The following TIAM1 variants were observed in gnomAD, a reference collection of about 807,000 sequenced individuals.
The protein encoded by TIAM1 is rho guanine nucleotide exchange factor TIAM1.
Under a neutral mutation model 163.5 loss-of-function variants are expected in TIAM1, and 65 were observed. The observed-to-expected ratio is 0.40, with a 90% CI of 0.33 to 0.49. The LOEUF (loss-of-function observed/expected upper bound fraction) is 0.49. Among genes scored for constraint, TIAM1 ranks in the 20% least tolerant of loss-of-function variants. TIAM1 has a pLI of 0.77. For synonymous variants in TIAM1, 833 were observed against 810.1 expected (o/e 1.03, Z -0.48); for missense variants, 1,789 against 2,044.7 (o/e 0.87, Z 2.41).
chr21:31,320,965 C>T (rs1601950513), intron 2 of TIAM1, among the ~76,000 whole-genome samples: 1 of 151,778 alleles, frequency 6.6e-6, no homozygotes. Context: ...GCACTCCAGC[C>T]TGGGTGACAG....
chr21:31,412,917 T>G (rs1225842442), intron 2 of TIAM1, among the ~76,000 whole-genome samples: 1 of 151,810 alleles, frequency 6.6e-6, no homozygotes, highest in Non-Finnish European at 1.5e-5. Context: ...CAGGTGGTAA[T>G]GCTCACTCAC....
intron 1 of TIAM1, among the ~76,000 whole-genome samples, chr21:31,343,867 G>A (rs1262941813): frequency 6.6e-6 from 1 of 152,168 alleles, no homozygotes; most frequent in Non-Finnish European, 1.5e-5. Flanking sequence ...TTCAAAGCCC[G>A]AATCTCTTTA....
intron 9 of TIAM1, among the ~76,000 whole-genome samples, chr21:31,214,032 G>A (rs1361420175): frequency 6.6e-6 from 1 of 151,622 alleles, no homozygotes; most frequent in African/African-American, 2.4e-5. Flanking sequence ...AGTAAAAAGA[G>A]AAAGACAATA....
intron 2 of TIAM1, among the ~76,000 whole-genome samples, chr21:31,409,889 T>C (rs2077316180): frequency 6.6e-6 from 1 of 152,152 alleles, no homozygotes; most frequent in African/African-American, 2.4e-5. Context: ...GGCCTTTTTT[T>C]TTTTTATTTG....
upstream of TIAM1, among the ~76,000 whole-genome samples, chr21:31,349,220 C>T (rs563500009): frequency 2.0e-3 from 302 of 152,324 alleles, 2 homozygotes; most frequent in African/African-American, 6.4e-3. Context: ...TTTCATCTAA[C>T]AAGTCAAAGT....
chr21:31,165,315 C>T (rs573167850), intron 15 of TIAM1, among the ~76,000 whole-genome samples: 15 of 152,156 alleles, frequency 9.9e-5, no homozygotes, highest in Admixed American at 3.3e-4. Flanking sequence ...TTTGTCTCCC[C>T]CCATACAAAT....
chr21:31,195,108 A>C (rs1370642116), intron 13 of TIAM1, 116 bp downstream of exon 13: 1 of 729,202 alleles, frequency 1.4e-6, no homozygotes, highest in Admixed American at 2.5e-5. Context: ...AGCAGGAGCC[A>C]GATATACTAT....
chr21:31,194,954 C>G (rs577085393), intron 13 of TIAM1, among the ~76,000 whole-genome samples: 3 of 152,302 alleles, frequency 2.0e-5, no homozygotes, highest in Non-Finnish European at 4.4e-5. Context: ...GTAATTTTAT[C>G]TTTTGACATA....
At chr21:31,270,845 G>C (rs1281912254) in intron 3 of TIAM1, among the ~76,000 whole-genome samples, 1 of 152,162 alleles carries the variant, frequency 6.6e-6, no homozygotes, top group Admixed American at 6.5e-5. Flanking sequence ...CCTGTTCTAA[G>C]TTCTGGCTTC....
chr21:31,528,798 C>CTAAA (rs948698233), intron 1 of TIAM1, among the ~76,000 whole-genome samples: 23 of 135,686 alleles, frequency 1.7e-4, no homozygotes, highest in South Asian at 8.0e-4. Context: ...GAGCAAGACT[C>CTAAA]TAAATAAATA....
chr21:31,536,385 G>C (rs1486841233), intron 1 of TIAM1, among the ~76,000 whole-genome samples: 1 of 152,282 alleles, frequency 6.6e-6, no homozygotes, highest in African/African-American at 2.4e-5. Flanking sequence ...CCATGCAAGC[G>C]CATGCTGTGC....
chr21:31,284,390 T>C (rs373103814), intron 2 of TIAM1, among the ~76,000 whole-genome samples: 4 of 152,152 alleles, frequency 2.6e-5, no homozygotes, highest in East Asian at 3.9e-4. Flanking sequence ...CCCACTCCCA[T>C]GTAAGTTGTA....
chr21:31,389,278 C>T (rs555079673), intron 2 of TIAM1, among the ~76,000 whole-genome samples: 24 of 152,178 alleles, frequency 1.6e-4, no homozygotes, highest in Non-Finnish European at 2.9e-4. Context: ...TGCAGTGGCA[C>T]GATCTCAGCT....
intron 2 of TIAM1, among the ~76,000 whole-genome samples, chr21:31,454,552 G>A (rs1050080297): frequency 6.6e-6 from 1 of 152,166 alleles, no homozygotes; most frequent in Non-Finnish European, 1.5e-5. Context: ...AACCCAGCAG[G>A]GTGAGGAAGG....
chr21:31,266,610 G>A lies in TIAM1; in HGVS notation c.363C>T (p.Ala121=). ...CAGTGTCTGGCATGCTCTGCACAGA[G>A]GCTGCTGTGAGGACGATGCTGCTGT... The part of the protein sequence containing the change: ...SVDSSIVLTA[A]SVQSMPDTEE... Residue 121 remains alanine, a synonymous_variant, in exon 4 of 28, where the codon GCC becomes GCT. Coordinates refer to ENST00000541036, the MANE Select transcript of TIAM1 (RefSeq NM_001353694.2). The A allele has an allele frequency of 5.0e-6, 8 of 1,614,200 alleles. No homozygotes were observed. The highest frequency in any genetic ancestry group is 1.1e-5 in the South Asian group (1 of 91,080).
chr21:31,337,518 G>GTTATTTATTATTA (rs1555946494), intron 2 of TIAM1, among the ~76,000 whole-genome samples: 1 of 147,258 alleles, frequency 6.8e-6, no homozygotes, highest in Non-Finnish European at 1.5e-5. Context: ...TATTATTGTT[G>GTTATTTATTATTA]TTATTATTAT....
In TIAM1 at chr21:31,216,342, G is replaced by A. The variant is rs550967013; in HGVS notation, c.2142+1211C>T. On this transcript the variant is annotated intron_variant, in intron 9 of 27. Coordinates refer to ENST00000541036, the MANE Select transcript of TIAM1 (RefSeq NM_001353694.2). ...TCATTCTATCAAGTCAGTCGATGAC[G>A]TCCTCTCACTTTTCACAAGGGCATG... 4.6e-5 allele frequency among the ~76,000 whole-genome samples: 7 copies of A among 152,186 alleles called. No individual in the cohort carries two copies. In the South Asian group the frequency reaches 1.0e-3, roughly 23 times the overall value.
At chr21:31,538,108 G>A (rs1380994761) in intron 1 of TIAM1, among the ~76,000 whole-genome samples, 4 of 152,150 alleles carry the variant, frequency 2.6e-5, no homozygotes, top group African/African-American at 9.7e-5. Context: ...AGTTTCTGGG[G>A]TCTCAGCATG....
chr21:31,255,883 A>G (rs1184797712), intron 4 of TIAM1, among the ~76,000 whole-genome samples: 1 of 152,186 alleles, frequency 6.6e-6, no homozygotes, highest in Non-Finnish European at 1.5e-5. Context: ...AGGCTCTTCA[A>G]TCCTGTTCTC....
Sources: gnomAD v4.1 joint callset for allele counts (sites outside exome capture counted in the v4.1 genomes callset) on GRCh38, gnomAD v4.1.1 for gene constraint, MANE v1.5 for transcripts, NCBI Gene and HGNC (gene_info 2026-07-23, HGNC 2026-07-21) for gene names.